The following MBD5 variants were observed in gnomAD, a reference collection of about 807,000 sequenced individuals.
MBD5 encodes the protein methyl-CpG binding domain protein 5, also known as methyl-CpG-binding domain protein 5.
In MBD5, 13 loss-of-function variants were observed where a neutral mutation model predicts 117.3. The ratio of observed to expected loss-of-function variants is 0.11; its 90% CI spans 0.07 to 0.18. The LOEUF is 0.18. Among genes scored for constraint, MBD5 ranks in the 10% least tolerant of loss-of-function variants. MBD5 has a pLI of 1.00. For missense variants in MBD5, 1,879 were observed against 2,093.8 expected, an observed-to-expected ratio of 0.90 and a Z score of 2.00; for synonymous variants, 727 against 766.4, an observed-to-expected ratio of 0.95 and a Z score of 0.85.
At chr2:148,324,605 G>A (rs1255113791) in intron 3 of MBD5, among the ~76,000 whole-genome samples, 4 of 151,886 alleles carry the variant, frequency 2.6e-5, no homozygotes, top group South Asian at 2.1e-4. Flanking sequence ...AATTGTGAAT[G>A]GGAGTTCACT....
chr2:148,304,017 C>G (rs1701833534), intron 3 of MBD5, among the ~76,000 whole-genome samples: 1 of 152,156 alleles, frequency 6.6e-6, no homozygotes, highest in Non-Finnish European at 1.5e-5. Context: ...ATAATGCCCT[C>G]ATCAATCTCT....
intron 3 of MBD5, among the ~76,000 whole-genome samples, chr2:148,239,872 A>AT (rs1700175895): frequency 6.6e-6 from 1 of 152,024 alleles, no homozygotes; most frequent in African/African-American, 2.4e-5. Flanking sequence ...TAATTTTTCG[A>AT]TTTTTTGTAG....
chr2:148,151,928 G>T (rs7423983), intron 1 of MBD5, among the ~76,000 whole-genome samples: 62,434 of 151,624 alleles, frequency 0.41, 13,135 homozygotes, highest in South Asian at 0.51. Context: ...GGTTTTTTGT[G>T]TCTCTCTTTC....
At chr2:148,292,134 C>T (rs1701513987) in intron 3 of MBD5, among the ~76,000 whole-genome samples, 1 of 152,166 alleles carries the variant, frequency 6.6e-6, no homozygotes, top group Admixed American at 6.5e-5. Context: ...ATTGGAGTAG[C>T]TGTCTAAGAT....
intron 3 of MBD5, among the ~76,000 whole-genome samples, chr2:148,305,059 C>A (rs1299608358): frequency 6.9e-6 from 1 of 143,960 alleles, no homozygotes; most frequent in Non-Finnish European, 1.5e-5. Flanking sequence ...AGCGAGACTC[C>A]GTCTCAAAAA....
chr2:148,152,849 G>C (rs1410771114), intron 1 of MBD5, among the ~76,000 whole-genome samples: 3 of 151,580 alleles, frequency 2.0e-5, no homozygotes, highest in African/African-American at 4.8e-5. Flanking sequence ...ACGTGAGATG[G>C]GTTTACTGAA....
rs1333028148 is a variant in MBD5, at chr2:148,515,555, C to A, written c.*2614C>A. ...ATTAAAAAATTGGTCACTCGCACTT[C>A]AATTTTGCCCATAGAGCCATTTCTT... On this transcript the variant is annotated 3_prime_UTR_variant, in exon 14 of 14. Transcript: ENST00000642680. 6.6e-6 allele frequency: 1 copy of A among 152,174 alleles called. No individual in the cohort carries two copies. Among genetic ancestry groups the A allele is most frequent in the African/African-American group, 2.4e-5 (1 of 41,438 alleles). The allele number at this position is 152,174 out of a possible 1,614,324, so 9.4% of individuals were successfully genotyped here.
rs1574461883 is a variant in MBD5 at position 148,470,212 on chromosome 2, G to A, written c.2269G>A (p.Glu757Lys). ...SVLQNIPLRGEAVHCHNANTN... is the reference protein window; with the variant it reads ...SVLQNIPLRGKAVHCHNANTN... ...TCTTCAGAACATACCTTTAAGAGGGGAAGCCGTGCACTGCCACAATGCAAA... is the reference window on the plus strand; with the variant it reads ...TCTTCAGAACATACCTTTAAGAGGGAAAGCCGTGCACTGCCACAATGCAAA... Residue 757 changes from glutamate (E) to lysine (K), a missense_variant, in exon 8 of 14, where the codon GAA (glutamate) becomes AAA (lysine). By Grantham distance (56) the Glu-to-Lys change is moderately conservative. This residue lies in a region of MBD5 where 1,666 missense variants were observed against 1,792.2 expected (regional missense o/e 0.93). Coordinates refer to ENST00000642680, the MANE Select transcript of MBD5 (RefSeq NM_001378120.1). The A allele has an allele frequency of 1.2e-6, 2 of 1,613,974 alleles. No homozygotes were observed. The highest frequency in any genetic ancestry group is 1.7e-6 in the Non-Finnish European group (2 of 1,179,912).
At chr2:148,215,254 C>T (rs955291476) in intron 2 of MBD5, among the ~76,000 whole-genome samples, 4 of 152,188 alleles carry the variant, frequency 2.6e-5, no homozygotes, top group Non-Finnish European at 5.9e-5. Flanking sequence ...CCTGCTACAT[C>T]GCCAGCCCCC....
At chr2:148,162,146 TA>T (rs1698019727) in intron 1 of MBD5, among the ~76,000 whole-genome samples, 1 of 152,222 alleles carries the variant, frequency 6.6e-6, no homozygotes, top group African/African-American at 2.4e-5. Flanking sequence ...ATAAATACAC[TA>T]ACTTCTTTGG....
intron 7 of MBD5, 42 bp from the exon 8 acceptor site, chr2:148,468,299 T>C: frequency 6.5e-7 from 1 of 1,550,298 alleles, no homozygotes. Flanking sequence ...CACAAAAGAG[T>C]TGAGACTGTT....
chr2:148,494,285 C>T (rs1260530277), intron 11 of MBD5, among the ~76,000 whole-genome samples: 2 of 152,170 alleles, frequency 1.3e-5, no homozygotes, highest in East Asian at 3.8e-4. Flanking sequence ...GTTTACAGCA[C>T]ATGTACAAAT....
At chr2:148,279,709 C>T (rs917188608) in intron 3 of MBD5, among the ~76,000 whole-genome samples, 9 of 152,176 alleles carry the variant, frequency 5.9e-5, no homozygotes, top group African/African-American at 2.2e-4. Flanking sequence ...ATTTATTTTT[C>T]TAATTCCATT....
intron 1 of MBD5, among the ~76,000 whole-genome samples, chr2:148,164,950 T>G (rs1484314216): frequency 1.3e-5 from 2 of 152,216 alleles, no homozygotes; most frequent in African/African-American, 2.4e-5. Flanking sequence ...CATGTTAATG[T>G]ATTCTGTCCA....
intron 3 of MBD5, among the ~76,000 whole-genome samples, chr2:148,284,049 A>G (rs1701313424): frequency 6.6e-6 from 1 of 152,172 alleles, no homozygotes; most frequent in Non-Finnish European, 1.5e-5. Flanking sequence ...ATAGATACAG[A>G]TGTATTTTCC....
chr2:148,334,022 T>G (rs1702725990), intron 3 of MBD5, among the ~76,000 whole-genome samples: 2 of 152,212 alleles, frequency 1.3e-5, no homozygotes, highest in South Asian at 4.1e-4. Context: ...TTCTTTTTTT[T>G]GTTTATTTAT....
intron 3 of MBD5, among the ~76,000 whole-genome samples, chr2:148,334,200 T>C (rs56178042): frequency 0.18 from 27,003 of 152,090 alleles, 2,555 homozygotes; most frequent in Non-Finnish European, 0.18. Context: ...AATTGCTGCC[T>C]AGCTTATCAT....
intron 3 of MBD5, among the ~76,000 whole-genome samples, chr2:148,275,042 A>G (rs888378771): frequency 1.3e-5 from 2 of 152,106 alleles, no homozygotes; most frequent in African/African-American, 4.8e-5. Context: ...CTTTTCTTAC[A>G]TATGGTTGTG....
At chr2:148,215,986 C>G (rs1699544637) in intron 2 of MBD5, among the ~76,000 whole-genome samples, 1 of 151,956 alleles carries the variant, frequency 6.6e-6, no homozygotes, top group South Asian at 2.1e-4. Flanking sequence ...TAAATTATAA[C>G]AGAAAAAAAC....
Sources: gnomAD v4.1 joint callset for allele counts (sites outside exome capture counted in the v4.1 genomes callset) on GRCh38, gnomAD v4.1.1 for gene constraint, gnomAD v4.1.1 regional missense constraint, MANE v1.5 for transcripts, NCBI Gene and HGNC (gene_info 2026-07-23, HGNC 2026-07-21) for gene names.